TKTL1: variants seen among roughly 807,000 people sequenced by gnomAD.
The protein encoded by TKTL1 is transketolase like 1.
In TKTL1, 1 loss-of-function variant was observed where a neutral mutation model predicts 39.3. The observed-to-expected ratio is 0.03, with a 90% confidence interval of 0.01 to 0.12. The LOEUF (loss-of-function observed/expected upper bound fraction) is 0.12, where lower values mean the gene tolerates loss of function less well. Ranked by LOEUF, TKTL1 falls within the 10% of genes least tolerant of loss-of-function variation. The pLI, the probability that TKTL1 is intolerant of heterozygous loss-of-function variation, is 1.00. For synonymous variants in TKTL1, 262 were observed against 193.8 expected (o/e 1.35, Z -2.92); for missense variants, 575 against 509.6 (o/e 1.13, Z -1.24).
chrX:154,329,585 T>C lies in TKTL1; in HGVS notation c.1688T>C (p.Val563Ala), dbSNP rs782327341. Residue 563 changes from valine to alanine, a missense_variant, in exon 13 of 13, where the codon GTG (valine) becomes GCG (alanine). By Grantham distance (64) the Val-to-Ala change is moderately conservative (BLOSUM62 0). Transcript: ENST00000369915. ...GACATTCAGGTTCATTCGCTGGCAG[T>C]GTCGGGAGTGCCCCAGAGTGGGAAG... is the stretch of plus-strand genomic sequence containing the variant. ...DPDIQVHSLA[V>A]SGVPQSGKSE... 31 of 1,211,907 alleles carry C rather than the reference T, an allele frequency of 2.6e-5. No homozygotes were observed. Among genetic ancestry groups the C allele is most frequent in the Non-Finnish European group, 3.2e-5 (29 of 895,419 alleles).
At chrX:154,326,289 A>G (rs1280133786) in intron 10 of TKTL1, among the ~76,000 whole-genome samples, 1 of 112,096 alleles carries the variant, frequency 8.9e-6, no homozygotes, top group African/African-American at 3.2e-5. Context: ...TGTCAGGGCC[A>G]TGCATAGAGA....
At chrX:154,323,472 C>A in intron 9 of TKTL1, 135 bp downstream of exon 9, 4 of 736,053 alleles carry the variant, frequency 5.4e-6, no homozygotes, top group Admixed American at 3.5e-5. Context: ...GAATTCTTTA[C>A]AAAAAAAACA....
chrX:154,311,901 C>A (rs1219387767), intron 5 of TKTL1, among the ~76,000 whole-genome samples: 1 of 110,875 alleles, frequency 9.0e-6, no homozygotes, highest in Non-Finnish European at 1.9e-5. Flanking sequence ...CATATGCCCA[C>A]ACATAGACCC....
intron 10 of TKTL1, 92 bp from the exon 11 acceptor site, chrX:154,327,497 ATT>A: frequency 1.3e-6 from 1 of 753,988 alleles, no homozygotes; most frequent in Non-Finnish European, 2.1e-6. Context: ...AATTGTTAGA[ATT>A]GGGGGATAGC....
intron 1 of TKTL1, among the ~76,000 whole-genome samples, chrX:154,298,555 TACA>T (rs782676591): frequency 1.8e-5 from 2 of 111,703 alleles, no homozygotes; most frequent in South Asian, 3.7e-4. Flanking sequence ...CTGCCAAAAA[TACA>T]ACAATTAGCT....
intron 3 of TKTL1, 75 bp from the exon 4 acceptor site, chrX:154,310,761 C>T (rs1192615848): frequency 2.2e-6 from 2 of 929,138 alleles, no homozygotes; most frequent in African/African-American, 2.0e-5. Context: ...GTCCGTTTCT[C>T]CTCCTGAAAT....
At chrX:154,316,616 G>A (rs782369086) in intron 7 of TKTL1, among the ~76,000 whole-genome samples, 5 of 111,271 alleles carry the variant, frequency 4.5e-5, no homozygotes, top group East Asian at 2.8e-4. Context: ...TGAAAAATGG[G>A]AAGAACTACT....
In TKTL1 at chrX:154,307,519, A is replaced by G. The variant is rs1211128329; in HGVS notation, c.253-1826A>G. On this transcript the variant is annotated intron_variant, in intron 2 of 12. Coordinates refer to ENST00000369915, the MANE Select transcript of TKTL1 (RefSeq NM_012253.4). The stretch of plus-strand genomic sequence containing the variant: ...CCCCGCAGCATAAGGGTTCTTGAGA[A>G]AGACAGCACCCATGTGGGAGCACTT... 2.7e-5 allele frequency among the ~76,000 whole-genome samples: 3 copies of G among 112,903 alleles called. No individual in the cohort carries two copies. In the East Asian group the frequency reaches 8.4e-4, roughly 31 times the overall value.
chrX:154,315,151 C>A, intron 6 of TKTL1, 22 bp from the exon 7 acceptor site: 1 of 1,201,405 alleles, frequency 8.3e-7, no homozygotes, highest in Non-Finnish European at 1.1e-6. Context: ...AACTCTACCA[C>A]CTGATTGTCT....
intron 1 of TKTL1, among the ~76,000 whole-genome samples, chrX:154,298,981 T>G (rs1357073264): frequency 9.1e-6 from 1 of 109,911 alleles, no homozygotes; most frequent in African/African-American, 3.3e-5. Flanking sequence ...AGTGCTGGGA[T>G]TACAAGTGTG....
chrX:154,324,169 CAG>C (rs200124632), intron 9 of TKTL1, among the ~76,000 whole-genome samples: 1,856 of 110,333 alleles, frequency 0.017, 36 homozygotes, highest in African/African-American at 0.058. Flanking sequence ...TCTTTGGAGA[CAG>C]AGTCTCACTC....
In TKTL1 at chrX:154,309,407, A is replaced by C. The variant is rs891022472; in HGVS notation, c.315A>C (p.Gly105=). 2 of 1,210,806 alleles carry C rather than the reference A, an allele frequency of 1.7e-6. No homozygotes were observed. The highest frequency in any genetic ancestry group is 2.2e-6 in the Non-Finnish European group (2 of 895,100). The change falls in exon 3 of 13, where the codon GGA becomes GGC. Residue 105 remains glycine, a synonymous_variant. Transcript: ENST00000369915. ...GACAAGGACTGGGAGTTGCATGTGG[A>C]ATGGCATATACTGGCAAGTACTTCG... is the stretch of plus-strand genomic sequence containing the variant. ...WLGQGLGVAC[G]MAYTGKYFDR...
chrX:154,305,650 C>T (rs782789039), intron 2 of TKTL1, among the ~76,000 whole-genome samples: 8 of 111,086 alleles, frequency 7.2e-5, no homozygotes, highest in Non-Finnish European at 1.5e-4. Context: ...CCTTTGGTCA[C>T]ACCCTGCCTC....
At chrX:154,299,649 G>A (rs1394996907) in intron 1 of TKTL1, among the ~76,000 whole-genome samples, 2 of 110,620 alleles carry the variant, frequency 1.8e-5, no homozygotes, top group African/African-American at 6.6e-5. Flanking sequence ...CCCAAAGTCC[G>A]TTATATCACT....
Position 154,329,589 on chromosome X carries a change from G to A in TKTL1, c.1692G>A (p.Ser564=), listed in dbSNP as rs782607274. ...TTCAGGTTCATTCGCTGGCAGTGTCGGGAGTGCCCCAGAGTGGGAAGTCCG... is the reference window on the plus strand; with the variant it reads ...TTCAGGTTCATTCGCTGGCAGTGTCAGGAGTGCCCCAGAGTGGGAAGTCCG... The part of the protein sequence containing the change: ...PDIQVHSLAV[S]GVPQSGKSEE... The change falls in exon 13 of 13, where the codon TCG becomes TCA. Residue 564 remains serine, a synonymous_variant. Transcript: ENST00000369915. 2.2e-5 allele frequency: 27 copies of A among 1,210,229 alleles called. No individual in the cohort carries two copies. The East Asian group carries it at 3.3e-4, about 15-fold the overall frequency.
chrX:154,303,379 ATTTTTTTTTTTTTTTTTT>A (rs1172255094), intron 1 of TKTL1, among the ~76,000 whole-genome samples: 16 of 33,667 alleles, frequency 4.8e-4, no homozygotes, highest in African/African-American at 1.9e-3. Context: ...TGCCCAGCTA[ATTTTTTTTTTTTTTTTTT>A]TTTTTTTTTT....
chrX:154,303,551 C>T (rs1353481200), intron 1 of TKTL1, among the ~76,000 whole-genome samples: 5 of 105,062 alleles, frequency 4.8e-5, no homozygotes, highest in Non-Finnish European at 9.8e-5. Context: ...TTTTATCATT[C>T]CCTCTTCCCT....
In TKTL1 at chrX:154,323,207, G is replaced by A. The variant is rs782610669; in HGVS notation, c.1187G>A (p.Gly396Asp). 2 of 1,209,939 alleles carry A rather than the reference G, an allele frequency of 1.7e-6. No homozygotes were observed. The highest frequency in any genetic ancestry group is 3.0e-5 in the East Asian group (1 of 33,775). ...IIGSHCGVSV[G>D]DDGASQMALE... ...TTTCATCGGGCTCTGGTTCTCTCAG[G>A]TGACGATGGTGCTTCCCAGATGGCC... Residue 396 changes from glycine to aspartate, a missense_variant and splice_region_variant, in exon 9 of 13, where the codon GGT (glycine) becomes GAT (aspartate). Transcript: ENST00000369915.
At chrX:154,307,674 T>C (rs1298155952) in intron 2 of TKTL1, among the ~76,000 whole-genome samples, 2 of 112,683 alleles carry the variant, frequency 1.8e-5, no homozygotes, top group Admixed American at 1.9e-4. Context: ...ATGGGCCCAC[T>C]GGCCTCACAC....
Sources: gnomAD v4.1 joint callset for allele counts (sites outside exome capture counted in the v4.1 genomes callset) on GRCh38, gnomAD v4.1.1 for gene constraint, MANE v1.5 for transcripts, NCBI Gene and HGNC (gene_info 2026-07-23, HGNC 2026-07-21) for gene names.